The following PRLR variants were observed in gnomAD, a reference collection of about 807,000 sequenced individuals.
PRLR encodes hPRL receptor.
Under a neutral mutation model 40.2 loss-of-function variants are expected in PRLR, and 13 were observed. The ratio of observed to expected loss-of-function variants is 0.32; its 90% confidence interval spans 0.21 to 0.51. The LOEUF (loss-of-function observed/expected upper bound fraction) is 0.51, where lower values mean the gene tolerates loss of function less well. Among genes scored for constraint, PRLR ranks in the 20% least tolerant of loss-of-function variants. The probability of loss-of-function intolerance (pLI) is 0.97; values close to 1 mark genes in which losing one functional copy is unlikely to be tolerated. For synonymous variants in PRLR, 269 were observed against 278.7 expected, an observed-to-expected ratio of 0.97 and a Z score of 0.35; for missense variants, 656 against 747.3, an observed-to-expected ratio of 0.88 and a Z score of 1.42.
chr5:35,183,375 T>A (rs1257826834), intron 1 of PRLR, among the ~76,000 whole-genome samples: 1 of 152,232 alleles, frequency 6.6e-6, no homozygotes, highest in African/African-American at 2.4e-5. Context: ...TCAGTCTGTT[T>A]CCTTGTCGCC....
Position 35,056,088 on chromosome 5 carries a change from G to A in PRLR, c.*9001C>T, listed in dbSNP as rs1480503902. 2.0e-5 allele frequency: 3 copies of A among 152,070 alleles called. No homozygotes were observed. Among genetic ancestry groups the A allele is most frequent in the South Asian group, 2.1e-4 (1 of 4,818 alleles). 9.4% of individuals were successfully genotyped at this position (152,070 alleles called of 1,614,324 possible). On this transcript the variant is annotated 3_prime_UTR_variant, in exon 10 of 10. Coordinates refer to ENST00000618457, the MANE Select transcript of PRLR (RefSeq NM_000949.7). ...CTTAAGAAAATATTTTATCACATTC[G>A]TAAAAGTATCTGTGCTTCAAGTCAG...
At position 35,200,840 on chromosome 5, in the gene PRLR, C is replaced by A. The variant is rs1047151438; in HGVS notation, c.-106+29428G>T. Among the ~76,000 whole-genome samples the A allele has an allele frequency of 3.3e-5, 5 of 152,322 alleles. No homozygotes were observed. In the East Asian group the frequency reaches 7.7e-4, roughly 24 times the overall value. On this transcript the variant is annotated intron_variant, in intron 1 of 9. Transcript: ENST00000618457. Reference sequence around the variant, plus strand: ...AATATCCAACAGTTTAAAGAGTTAACAGACTTTGCGAAGATCACACAGATG... The same window carrying A: ...AATATCCAACAGTTTAAAGAGTTAAAAGACTTTGCGAAGATCACACAGATG...
intron 8 of PRLR, 111 bp from the exon 9 acceptor site, chr5:35,068,396 T>G: frequency 1.1e-6 from 1 of 896,456 alleles, no homozygotes; most frequent in African/African-American, 1.7e-5. Context: ...GGACTTGGTT[T>G]GGCAGCTCCA....
intron 1 of PRLR, among the ~76,000 whole-genome samples, chr5:35,177,322 C>G (rs534655819): frequency 6.6e-6 from 1 of 152,214 alleles, no homozygotes; most frequent in South Asian, 2.1e-4. Flanking sequence ...CGAGAAACAC[C>G]CACAGGTGTG....
At chr5:35,052,403 T>C (rs115565909), downstream of PRLR, among the ~76,000 whole-genome samples, 6,666 of 152,204 alleles carry the variant, frequency 0.044, 211 homozygotes, top group South Asian at 0.13. Context: ...TCAGTTAAGA[T>C]AAAAAATTGT....
intron 1 of PRLR, among the ~76,000 whole-genome samples, chr5:35,225,460 A>G (rs566251795): frequency 6.6e-6 from 1 of 152,332 alleles, no homozygotes; most frequent in African/African-American, 2.4e-5. Context: ...GTTTGGAAGA[A>G]GGGGGAAAAA....
chr5:35,079,630 GC>G (rs1362776064), intron 5 of PRLR, among the ~76,000 whole-genome samples: 1 of 152,088 alleles, frequency 6.6e-6, no homozygotes, highest in African/African-American at 2.4e-5. Context: ...TGGCCATACT[GC>G]CCAAGGTAAT....
At chr5:35,083,072 C>G (rs1057225845) in intron 5 of PRLR, among the ~76,000 whole-genome samples, 5 of 109,078 alleles carry the variant, frequency 4.6e-5, no homozygotes, top group African/African-American at 2.8e-4. Flanking sequence ...AGGCAATACA[C>G]ACACACACAC....
Position 35,056,073 on chromosome 5 carries a change from T to A in PRLR, c.*9016A>T, listed in dbSNP as rs910257667. ...ATCCTCTTTCCTTTTCTTAAGAAAA[T>A]ATTTTATCACATTCGTAAAAGTATC... On this transcript the variant is annotated 3_prime_UTR_variant, in exon 10 of 10. Coordinates refer to ENST00000618457, the MANE Select transcript of PRLR (RefSeq NM_000949.7). 6.6e-6 allele frequency: 1 copy of A among 152,158 alleles called. No homozygotes were observed. The highest frequency in any genetic ancestry group is 2.4e-5 in the African/African-American group (1 of 41,458). 9.4% of individuals were successfully genotyped at this position (152,158 alleles called of 1,614,324 possible). A position where few individuals can be genotyped will look rare whatever the true frequency, so the allele number is the denominator to read the frequency against.
At chr5:35,175,693 A>AT (rs902131440) in intron 1 of PRLR, among the ~76,000 whole-genome samples, 1 of 152,152 alleles carries the variant, frequency 6.6e-6, no homozygotes, top group Non-Finnish European at 1.5e-5. Context: ...TGCTCTATGC[A>AT]TTTTTTCCAG....
At chr5:35,171,465 G>A (rs1455286386) in intron 1 of PRLR, among the ~76,000 whole-genome samples, 1 of 152,162 alleles carries the variant, frequency 6.6e-6, no homozygotes, top group African/African-American at 2.4e-5. Flanking sequence ...AGTAACTCCT[G>A]TGTGAGCATA....
intron 3 of PRLR, among the ~76,000 whole-genome samples, chr5:35,086,756 G>A (rs12655058): frequency 0.032 from 4,850 of 152,148 alleles, 94 homozygotes; most frequent in Non-Finnish European, 0.04. Flanking sequence ...CAGCCTAAGG[G>A]AACCATACAA....
At chr5:35,212,980 A>G (rs1380692877) in intron 1 of PRLR, among the ~76,000 whole-genome samples, 1 of 152,228 alleles carries the variant, frequency 6.6e-6, no homozygotes, top group Non-Finnish European at 1.5e-5. Context: ...ATTCACCCAC[A>G]AAGAGAAAGT....
intron 1 of PRLR, among the ~76,000 whole-genome samples, chr5:35,177,757 G>A (rs1775187521): frequency 6.6e-6 from 1 of 152,184 alleles, no homozygotes; most frequent in Admixed American, 6.5e-5. Context: ...TGTGAATAGG[G>A]CTGCTATAAA....
intron 2 of PRLR, among the ~76,000 whole-genome samples, chr5:35,105,743 T>C (rs548880858): frequency 1.8e-4 from 28 of 152,246 alleles, no homozygotes; most frequent in African/African-American, 6.7e-4. Context: ...ACCAAATCTA[T>C]GTCTGATTGG....
intron 2 of PRLR, among the ~76,000 whole-genome samples, chr5:35,091,641 C>G (rs1771217907): frequency 6.6e-6 from 1 of 152,094 alleles, no homozygotes; most frequent in African/African-American, 2.4e-5. Flanking sequence ...AGCCACTGAC[C>G]CACAGTGAGC....
chr5:35,145,092 T>A (rs555833015), intron 1 of PRLR, among the ~76,000 whole-genome samples: 1 of 152,138 alleles, frequency 6.6e-6, no homozygotes, highest in Non-Finnish European at 1.5e-5. Flanking sequence ...CCGGAGTGAA[T>A]ATTATGAACT....
intron 1 of PRLR, among the ~76,000 whole-genome samples, chr5:35,156,061 T>C (rs76353005): frequency 0.026 from 3,891 of 151,402 alleles, 82 homozygotes; most frequent in Middle Eastern, 0.092. Context: ...TAAGTGTGTT[T>C]ACTGCCATGT....
chr5:35,075,539 G>C (rs1024669811), intron 5 of PRLR, among the ~76,000 whole-genome samples: 1 of 152,222 alleles, frequency 6.6e-6, no homozygotes, highest in African/African-American at 2.4e-5. Context: ...AAGTGGCCAG[G>C]AAGCTGGAAC....
Sources: allele counts gnomAD v4.1 joint callset (sites outside exome capture counted in the v4.1 genomes callset), GRCh38; gene constraint gnomAD v4.1.1; transcripts MANE v1.5; gene names NCBI Gene and HGNC (gene_info 2026-07-23, HGNC 2026-07-21).